EIF3B: variants seen among roughly 807,000 people sequenced by gnomAD.
The protein encoded by EIF3B is eukaryotic translation initiation factor 3 subunit 9.
Under a neutral mutation model 104.6 loss-of-function variants are expected in EIF3B, and 10 were observed. That is an observed-to-expected ratio of 0.10 (90% CI 0.06 to 0.16). EIF3B has a LOEUF of 0.16. Among genes scored for constraint, EIF3B ranks in the 10% least tolerant of loss-of-function variants. EIF3B has a pLI of 1.00. For missense variants in EIF3B, 1,014 were observed against 1,087.9 expected (o/e 0.93, Z 0.96); for synonymous variants, 542 against 417.2 (o/e 1.30, Z -3.65).
At position 2,366,649 on chromosome 7, in the gene EIF3B, T is replaced by C. The variant is rs1780041600; in HGVS notation, c.1356+58T>C. The C allele has an allele frequency of 1.9e-6, 3 of 1,586,800 alleles. No individual in the cohort carries two copies. In the East Asian group the frequency reaches 6.7e-5, roughly 35 times the overall value. Reference sequence around the variant, plus strand: ...CCGGTCCTTGCTTGTAACCGGGGTGTGGTGCCTTTCCTTATTTGTGCTAGA... The same window carrying C: ...CCGGTCCTTGCTTGTAACCGGGGTGCGGTGCCTTTCCTTATTTGTGCTAGA... On this transcript the variant is annotated intron_variant, in intron 8 of 18. Coordinates refer to ENST00000360876, the MANE Select transcript of EIF3B (RefSeq NM_001037283.2).
At chr7:2,372,954 T>C (rs1780439459) in intron 12 of EIF3B, among the ~76,000 whole-genome samples, 159 bp downstream of exon 12, 1 of 152,170 alleles carries the variant, frequency 6.6e-6, no homozygotes. Context: ...AAGTGAGCGA[T>C]GGCCTGGAGG....
In EIF3B at chr7:2,376,989, C is replaced by G; in HGVS notation, c.2068C>G (p.Leu690Val). Reference sequence around the variant, plus strand: ...CTGGCTGTGGACTTTCCAGGGACGCCTCCTGCAGAAGAACAACAAGGACCG... The same window carrying G: ...CTGGCTGTGGACTTTCCAGGGACGCGTCCTGCAGAAGAACAACAAGGACCG... Reference protein sequence around the residue: ...AYWLWTFQGRLLQKNNKDRFC... With the variant: ...AYWLWTFQGRVLQKNNKDRFC... Residue 690 changes from leucine to valine, a missense_variant, in exon 15 of 19, where the codon CTC becomes GTC. By Grantham distance (32) the Leu-to-Val change is conservative (BLOSUM62 1). This residue lies in a region of EIF3B where 266 missense variants were observed against 324.0 expected (regional missense o/e 0.82). Coordinates refer to ENST00000360876, the MANE Select transcript of EIF3B (RefSeq NM_001037283.2). 2.5e-6 allele frequency: 4 copies of G among 1,613,968 alleles called. No homozygotes were observed. Among genetic ancestry groups the G allele is most frequent in the Non-Finnish European group, 3.4e-6 (4 of 1,180,032 alleles).
At chr7:2,366,780 C>T (rs567828090) in intron 8 of EIF3B, 189 bp downstream of exon 8, 26 of 805,492 alleles carry the variant, frequency 3.2e-5, no homozygotes, top group African/African-American at 2.9e-4. Context: ...GCCCACCTGG[C>T]GCAGCCGTGG....
rs746066124 is a variant in EIF3B at position 2,366,466 on chromosome 7, A to C, written c.1289+18A>C. 1 of 1,614,036 alleles carries C rather than the reference A, an allele frequency of 6.2e-7. No individual in the cohort carries two copies. The highest frequency in any genetic ancestry group is 8.5e-7 in the Non-Finnish European group (1 of 1,179,990). On this transcript the variant is annotated intron_variant, in intron 7 of 18. Coordinates refer to ENST00000360876, the MANE Select transcript of EIF3B (RefSeq NM_001037283.2). ...ATTTTTAAGTAAGTGGACCATTGTA[A>C]CGAGCTCTGTAGCCTTTGTCTTTTC...
intron 11 of EIF3B, among the ~76,000 whole-genome samples, chr7:2,372,460 T>C (rs1780405910): frequency 6.6e-6 from 1 of 152,166 alleles, no homozygotes. Flanking sequence ...GGGAGCAGTT[T>C]CACGTAGGTC....
intron 13 of EIF3B, chr7:2,374,851 C>G (rs570936962): frequency 4.1e-4 from 180 of 434,128 alleles, no homozygotes; most frequent in South Asian, 6.5e-4. Context: ...CCAGGCAGAC[C>G]TGTCTGCGGG....
At chr7:2,361,176 G>A (rs1779706598) in intron 2 of EIF3B, among the ~76,000 whole-genome samples, 1 of 152,184 alleles carries the variant, frequency 6.6e-6, no homozygotes, top group Admixed American at 6.5e-5. Flanking sequence ...CTTGAAGCCT[G>A]AGGCCAGGAG....
In EIF3B at chr7:2,371,734, T is replaced by C. The variant is rs1462463382; in HGVS notation, c.1615-43T>C. On this transcript the variant is annotated intron_variant, in intron 10 of 18. Transcript: ENST00000360876. Reference sequence around the variant, plus strand: ...TTGATTTAAACCTTTTCTCATATTTTCACTGTCCAGAATGTCACCCCTTCC... The same window carrying C: ...TTGATTTAAACCTTTTCTCATATTTCCACTGTCCAGAATGTCACCCCTTCC... 2.8e-6 allele frequency: 4 copies of C among 1,420,582 alleles called. No individual in the cohort carries two copies. The Admixed American group carries it at 6.7e-5, about 24-fold the overall frequency. 88.0% of individuals were successfully genotyped at this position (1,420,582 alleles called of 1,614,324 possible). A position where few individuals can be genotyped will look rare whatever the true frequency, so the allele number is the denominator to read the frequency against.
chr7:2,375,071 A>T (rs373762090), intron 13 of EIF3B: 2 of 401,220 alleles, frequency 5.0e-6, no homozygotes, highest in Non-Finnish European at 9.2e-6. Context: ...GCTCTGAGTT[A>T]AAAGAATACC....
At chr7:2,356,732 G>A (rs1275414788) in intron 1 of EIF3B, among the ~76,000 whole-genome samples, 1 of 152,092 alleles carries the variant, frequency 6.6e-6, no homozygotes, top group African/African-American at 2.4e-5. Flanking sequence ...CCCAGGAGGT[G>A]GAGGTTGCAG....
At chr7:2,363,857 T>C in intron 5 of EIF3B, 97 bp downstream of exon 5, 13 of 1,387,622 alleles carry the variant, frequency 9.4e-6, no homozygotes, top group Non-Finnish European at 1.2e-5. Context: ...GAAGAGCAGG[T>C]GACGTTATAT....
chr7:2,364,364 T>G lies in EIF3B; in HGVS notation c.1000-8T>G. On this transcript the variant is annotated splice_region_variant and splice_polypyrimidine_tract_variant and intron_variant, in intron 5 of 18. Coordinates refer to ENST00000360876, the MANE Select transcript of EIF3B (RefSeq NM_001037283.2). ...TTGTATTAACGTTGGCACTGCCTTT[T>G]TCTGCAGAGATGGACAGAGACGTAT... 6.3e-7 allele frequency: 1 copy of G among 1,580,784 alleles called. No homozygotes were observed. Among genetic ancestry groups the G allele is most frequent in the Non-Finnish European group, 8.6e-7 (1 of 1,169,148 alleles).
At chr7:2,366,826 G>C in intron 8 of EIF3B, 173 bp from the exon 9 acceptor site, 2 of 825,146 alleles carry the variant, frequency 2.4e-6, no homozygotes, top group Non-Finnish European at 3.9e-6. Flanking sequence ...GTGGGCTTCA[G>C]AACTGCAGTT....
intron 1 of EIF3B, among the ~76,000 whole-genome samples, chr7:2,358,627 A>G (rs1034323419): frequency 2.0e-5 from 3 of 152,110 alleles, no homozygotes; most frequent in Non-Finnish European, 4.4e-5. Flanking sequence ...CCTGGGTTCA[A>G]GCGATTCTCC....
In EIF3B at chr7:2,375,446, A is replaced by G. The variant is rs747712881; in HGVS notation, c.1947A>G (p.Ala649=). ...DTSDCTVMNI[A]EHYMASDVEW... ...CGGACTGCACGGTCATGAACATCGCAGAGCACTACATGGCTTCCGACGTCG... is the reference window on the plus strand; with the variant it reads ...CGGACTGCACGGTCATGAACATCGCGGAGCACTACATGGCTTCCGACGTCG... Residue 649 remains alanine (A), a synonymous_variant, in exon 14 of 19, where the codon GCA becomes GCG. Coordinates refer to ENST00000360876, the MANE Select transcript of EIF3B (RefSeq NM_001037283.2). The G allele has an allele frequency of 3.1e-6, 5 of 1,614,120 alleles. No individual in the cohort carries two copies. Among genetic ancestry groups the G allele is most frequent in the African/African-American group, 1.3e-5 (1 of 74,934 alleles).
At chr7:2,380,049 G>A (rs192398552) in intron 18 of EIF3B, 155 bp from the exon 19 acceptor site, 116 of 292,230 alleles carry the variant, frequency 4.0e-4, no homozygotes, top group African/African-American at 2.3e-3. Flanking sequence ...CCCAGGGTGG[G>A]ACCATGAGCG....
intron 1 of EIF3B, among the ~76,000 whole-genome samples, chr7:2,357,143 C>T (rs866063226): frequency 6.6e-6 from 1 of 152,310 alleles, no homozygotes. Flanking sequence ...TTTTAAAAAG[C>T]ATTATTTGAG....
At position 2,355,210 on chromosome 7, in the gene EIF3B, G is replaced by A. The variant is rs1280070664; in HGVS notation, c.289G>A (p.Ala97Thr). 2 of 1,491,826 alleles carry A rather than the reference G, an allele frequency of 1.3e-6. No homozygotes were observed. Among genetic ancestry groups the A allele is most frequent in the East Asian group, 2.8e-5 (1 of 35,174 alleles). 92.4% of individuals were successfully genotyped at this position (1,491,826 alleles called of 1,614,324 possible). The change falls in exon 1 of 19, where the codon GCT (alanine) becomes ACT (threonine). Residue 97 changes from alanine (A) to threonine (T), a missense_variant. This residue lies in a region of EIF3B where 488 missense variants were observed against 404.3 expected (regional missense o/e 1.21). Coordinates refer to ENST00000360876, the MANE Select transcript of EIF3B (RefSeq NM_001037283.2). ...CGCCGAGGAGCTGCCCGGGTCGCAT[G>A]CTGAGCCCCCTGTCCCGGCACAGGG... ...PAAEELPGSH[A>T]EPPVPAQGEA... is the part of the protein sequence containing the mutation.
chr7:2,365,667 GTTT>G (rs1779973231), intron 6 of EIF3B, among the ~76,000 whole-genome samples: 2 of 107,852 alleles, frequency 1.9e-5, no homozygotes, highest in Non-Finnish European at 4.1e-5. Flanking sequence ...TTGTTTGTTT[GTTT>G]GTTTGTTTTG....
Sources: gnomAD v4.1 joint callset for allele counts (sites outside exome capture counted in the v4.1 genomes callset) on GRCh38, gnomAD v4.1.1 for gene constraint, gnomAD v4.1.1 regional missense constraint, MANE v1.5 for transcripts, NCBI Gene and HGNC (gene_info 2026-07-23, HGNC 2026-07-21) for gene names.